Variants in ZNF704 observed in about 807,000 individuals in gnomAD.
The protein encoded by ZNF704 is glucocorticoid induced gene 1.
In ZNF704, 10 loss-of-function variants were observed where a neutral mutation model predicts 44.7. The ratio of observed to expected loss-of-function variants is 0.22; its 90% CI spans 0.14 to 0.38. The LOEUF (loss-of-function observed/expected upper bound fraction) is 0.38. Among genes scored for constraint, ZNF704 ranks in the 10% least tolerant of loss-of-function variants. ZNF704 has a pLI of 1.00. For synonymous variants in ZNF704, 211 were observed against 207.6 expected, an observed-to-expected ratio of 1.02 and a Z score of -0.14; for missense variants, 390 against 545.5, an observed-to-expected ratio of 0.71 and a Z score of 2.84.
chr8:80,784,048 T>A (rs898808981), intron 2 of ZNF704, among the ~76,000 whole-genome samples: 1 of 152,166 alleles, frequency 6.6e-6, no homozygotes, highest in Non-Finnish European at 1.5e-5. Flanking sequence ...TATCTTTTCT[T>A]TTTTGCTGAG....
chr8:80,710,541 T>C (rs1428499776), intron 2 of ZNF704, among the ~76,000 whole-genome samples: 1 of 152,142 alleles, frequency 6.6e-6, no homozygotes, highest in Non-Finnish European at 1.5e-5. Flanking sequence ...CTCGACATGA[T>C]AGTATTTGGA....
intron 7 of ZNF704, among the ~76,000 whole-genome samples, chr8:80,643,790 T>C (rs1272008985): frequency 6.6e-6 from 1 of 152,170 alleles, no homozygotes; most frequent in Non-Finnish European, 1.5e-5. Flanking sequence ...ATGAACCCTG[T>C]CAAGTAGGGC....
At chr8:80,713,226 A>T (rs77176502) in intron 2 of ZNF704, among the ~76,000 whole-genome samples, 2,267 of 152,232 alleles carry the variant, frequency 0.015, 22 homozygotes, top group Non-Finnish European at 0.021. Flanking sequence ...CAATCAGTTG[A>T]CTGTAATGGG....
intron 2 of ZNF704, among the ~76,000 whole-genome samples, chr8:80,787,875 TA>T (rs1309278980): frequency 1.3e-5 from 2 of 152,232 alleles, no homozygotes; most frequent in Non-Finnish European, 2.9e-5. Context: ...TTATCTTGTA[TA>T]AAATCTTAAC....
chr8:80,702,832 C>T (rs1462116305), intron 2 of ZNF704, among the ~76,000 whole-genome samples: 1 of 151,898 alleles, frequency 6.6e-6, no homozygotes, highest in Non-Finnish European at 1.5e-5. Context: ...GTCGCTGGAT[C>T]GGAAATGGCG....
intron 6 of ZNF704, among the ~76,000 whole-genome samples, chr8:80,664,118 A>G (rs571090990): frequency 2.0e-5 from 3 of 151,212 alleles, no homozygotes; most frequent in African/African-American, 7.3e-5. Context: ...TTGTTTTTGA[A>G]ACAGAGTCTC....
chr8:80,829,952 C>A lies in ZNF704; in HGVS notation c.-21-8337G>T, dbSNP rs1452891302. ...ATCATGGGTTCCACCATTTGTAATG[C>A]TAGCGGAAGGGGCAGATGGCAGATG... On this transcript the variant is annotated intron_variant, in intron 1 of 8. Coordinates refer to ENST00000327835, the MANE Select transcript of ZNF704 (RefSeq NM_001033723.3). Among the ~76,000 whole-genome samples, 3 of 152,162 alleles carry A rather than the reference C, an allele frequency of 2.0e-5. 1 individual carries two copies. The highest frequency in any genetic ancestry group is 7.2e-5 in the African/African-American group (3 of 41,450).
chr8:80,845,630 G>A (rs540004722), intron 1 of ZNF704, among the ~76,000 whole-genome samples: 9 of 152,266 alleles, frequency 5.9e-5, no homozygotes, highest in African/African-American at 1.4e-4. Context: ...GAAGCTATCC[G>A]CAGAACCATG....
At chr8:80,823,137 G>A (rs1266790588) in intron 1 of ZNF704, among the ~76,000 whole-genome samples, 1 of 152,184 alleles carries the variant, frequency 6.6e-6, no homozygotes, top group Non-Finnish European at 1.5e-5. Context: ...CCTCATCCGG[G>A]AAGTGCAAAG....
At chr8:80,800,426 C>T (rs557238111) in intron 2 of ZNF704, among the ~76,000 whole-genome samples, 150 of 152,126 alleles carry the variant, frequency 9.9e-4, no homozygotes, top group Middle Eastern at 6.8e-3. Context: ...GGCCAGGTCA[C>T]CTACAAAGGG....
At chr8:80,794,627 C>T (rs909141243) in intron 2 of ZNF704, among the ~76,000 whole-genome samples, 1 of 152,158 alleles carries the variant, frequency 6.6e-6, no homozygotes, top group African/African-American at 2.4e-5. Context: ...ATAACTAAAG[C>T]TTCTAGATGA....
chr8:80,751,355 C>T (rs1449496855), intron 2 of ZNF704, among the ~76,000 whole-genome samples: 1 of 152,156 alleles, frequency 6.6e-6, no homozygotes, highest in Non-Finnish European at 1.5e-5. Flanking sequence ...GGTTTCTAAC[C>T]TGTGGGCCTG....
chr8:80,763,941 C>T (rs1182002552), intron 2 of ZNF704, among the ~76,000 whole-genome samples: 1 of 152,180 alleles, frequency 6.6e-6, no homozygotes, highest in African/African-American at 2.4e-5. Context: ...GACCTTTGCT[C>T]CAGTTCCCAG....
In ZNF704 at chr8:80,635,295, C is replaced by T. The variant is rs1417332165; in HGVS notation, c.*6071G>A. On this transcript the variant is annotated 3_prime_UTR_variant, in exon 9 of 9. Transcript: ENST00000327835. ...AACTCTTCACAACTCCCCTCTGTTT[C>T]CTGGTTCTTGGGAACTCAGTCACTT... 1 of 152,336 alleles carries T rather than the reference C, an allele frequency of 6.6e-6. No homozygotes were observed. Among genetic ancestry groups the T allele is most frequent in the African/African-American group, 2.4e-5 (1 of 41,574 alleles). The allele number at this position is 152,336 out of a possible 1,614,324, so 9.4% of individuals were successfully genotyped here.
intron 2 of ZNF704, among the ~76,000 whole-genome samples, chr8:80,747,824 C>T (rs57642660): frequency 0.027 from 4,123 of 152,258 alleles, 193 homozygotes; most frequent in African/African-American, 0.094. Flanking sequence ...TCAAGCGATT[C>T]CCCTGCTTCA....
intron 2 of ZNF704, among the ~76,000 whole-genome samples, chr8:80,699,973 C>T (rs1031869697): frequency 2.6e-5 from 4 of 152,174 alleles, no homozygotes; most frequent in African/African-American, 4.8e-5. Flanking sequence ...CCCTTTACCC[C>T]CAGTGAGGTC....
At chr8:80,676,283 T>C (rs1818364513) in intron 4 of ZNF704, among the ~76,000 whole-genome samples, 1 of 152,170 alleles carries the variant, frequency 6.6e-6, no homozygotes, top group Non-Finnish European at 1.5e-5. Flanking sequence ...TTTGTAAAGA[T>C]AAGTTATACT....
intron 1 of ZNF704, among the ~76,000 whole-genome samples, chr8:80,825,553 A>G (rs1808356627): frequency 6.6e-6 from 1 of 152,198 alleles, no homozygotes. Context: ...CAGGAATTGA[A>G]CTCAGCTCTG....
chr8:80,878,441 A>G (rs551235884), upstream of ZNF704, among the ~76,000 whole-genome samples: 75 of 152,278 alleles, frequency 4.9e-4, no homozygotes, highest in African/African-American at 1.8e-3. Flanking sequence ...ATTTGTACCC[A>G]CTGGTGGTAG....
Sources: gnomAD v4.1 joint callset for allele counts (sites outside exome capture counted in the v4.1 genomes callset) on GRCh38, gnomAD v4.1.1 for gene constraint, MANE v1.5 for transcripts, NCBI Gene and HGNC (gene_info 2026-07-23, HGNC 2026-07-21) for gene names.